CDH4: variants seen among roughly 807,000 people sequenced by gnomAD.
CDH4 encodes cadherin-4.
CDH4 carries 33 observed loss-of-function variants against 86.0 expected under a neutral mutation model. The observed-to-expected ratio is 0.38, with a 90% CI of 0.29 to 0.51. The LOEUF is 0.51. CDH4 is among the 20% of genes least tolerant of loss of function. CDH4 has a pLI of 0.86. For missense variants in CDH4, 1,114 were observed against 1,307.4 expected (o/e 0.85, Z 2.28); for synonymous variants, 555 against 549.4 (o/e 1.01, Z -0.14).
intron 2 of CDH4, among the ~76,000 whole-genome samples, chr20:61,564,441 G>C (rs75400638): frequency 3.9e-5 from 6 of 152,046 alleles, no homozygotes; most frequent in Non-Finnish European, 7.4e-5. Context: ...CCTTCCCCTC[G>C]GTGCTGAGTG....
chr20:61,928,737 T>C (rs2055073608), intron 12 of CDH4, among the ~76,000 whole-genome samples: 1 of 152,246 alleles, frequency 6.6e-6, no homozygotes, highest in South Asian at 2.1e-4. Flanking sequence ...CCCTGACTGA[T>C]ATGTTTCCTT....
At chr20:61,378,910 T>C (rs6062228) in intron 2 of CDH4, among the ~76,000 whole-genome samples, 37,713 of 152,112 alleles carry the variant, frequency 0.25, 5,048 homozygotes, top group African/African-American at 0.34. Flanking sequence ...ACCAAGACAT[T>C]GACATTAGTC....
chr20:61,636,077 G>A (rs993294327), intron 2 of CDH4, among the ~76,000 whole-genome samples: 6 of 152,210 alleles, frequency 3.9e-5, no homozygotes, highest in South Asian at 2.1e-4. Flanking sequence ...CTCCACACGC[G>A]TGGGGGTCCA....
intron 4 of CDH4, among the ~76,000 whole-genome samples, chr20:61,833,973 C>G (rs1600697412): frequency 6.6e-6 from 1 of 152,338 alleles, no homozygotes; most frequent in East Asian, 1.9e-4. Flanking sequence ...TCTGGCAGGT[C>G]TCCTTCCTAT....
intron 2 of CDH4, among the ~76,000 whole-genome samples, chr20:61,482,687 A>G (rs1014271080): frequency 6.6e-6 from 1 of 152,178 alleles, no homozygotes; most frequent in Non-Finnish European, 1.5e-5. Context: ...CTCCTGGAAC[A>G]GTCATGTGAC....
intron 5 of CDH4, 74 bp from the exon 6 acceptor site, chr20:61,852,680 G>A (rs544605864): frequency 4.2e-5 from 63 of 1,510,472 alleles, no homozygotes; most frequent in Middle Eastern, 3.7e-4. Flanking sequence ...CCCCAGCACC[G>A]CGGGTCCCAG....
At chr20:61,662,603 G>A (rs1360637229) in intron 2 of CDH4, among the ~76,000 whole-genome samples, 3 of 152,182 alleles carry the variant, frequency 2.0e-5, no homozygotes, top group African/African-American at 7.2e-5. Context: ...TGGAGGACTG[G>A]GGCGTGAGGA....
At position 61,743,771 on chromosome 20, in the gene CDH4, C is replaced by T. The variant is rs746478957; in HGVS notation, c.378C>T (p.Ser126=). ...GGTTGCTGGTGGCCCAGACCTCGTC[C>T]CCGCACTCTGGACACAAGGTAAGGT... ...VVRLLVAQTS[S]PHSGHKPQKG... Residue 126 remains serine (S), a synonymous_variant, in exon 3 of 16, where the codon TCC becomes TCT. Coordinates refer to ENST00000614565, the MANE Select transcript of CDH4 (RefSeq NM_001794.5). 6.2e-7 allele frequency: 1 copy of T among 1,603,154 alleles called. No individual in the cohort carries two copies. Among genetic ancestry groups the T allele is most frequent in the Non-Finnish European group, 8.5e-7 (1 of 1,175,294 alleles).
intron 2 of CDH4, among the ~76,000 whole-genome samples, chr20:61,321,548 C>T (rs1035422436): frequency 2.0e-5 from 3 of 152,160 alleles, no homozygotes; most frequent in South Asian, 2.1e-4. Context: ...GAAGACACCA[C>T]GTGGCCTCAT....
At chr20:61,635,185 C>T (rs2086934088) in intron 2 of CDH4, among the ~76,000 whole-genome samples, 1 of 152,078 alleles carries the variant, frequency 6.6e-6, no homozygotes, top group Non-Finnish European at 1.5e-5. Context: ...CCGGCAGTAA[C>T]TCTAGGTTTA....
intron 6 of CDH4, among the ~76,000 whole-genome samples, chr20:61,861,895 C>G (rs1388721613): frequency 6.6e-6 from 1 of 152,136 alleles, no homozygotes; most frequent in Admixed American, 6.5e-5. Flanking sequence ...CGCAGGAACC[C>G]CACCCTCCAG....
chr20:61,873,668 T>C (rs1983896908), intron 6 of CDH4, 60 bp from the exon 7 acceptor site: 1 of 1,558,750 alleles, frequency 6.4e-7, no homozygotes, highest in African/African-American at 1.3e-5. Flanking sequence ...CCCAGGTGTG[T>C]GCGGGGGTGG....
At chr20:61,841,323 C>G (rs2386936) in intron 4 of CDH4, among the ~76,000 whole-genome samples, 72,802 of 152,104 alleles carry the variant, frequency 0.48, 18,595 homozygotes, top group Non-Finnish European at 0.58. Flanking sequence ...TGCTCTCCTG[C>G]GAATGTGATC....
intron 3 of CDH4, among the ~76,000 whole-genome samples, chr20:61,765,462 G>A (rs1215362671): frequency 6.6e-6 from 1 of 152,190 alleles, no homozygotes; most frequent in Non-Finnish European, 1.5e-5. Flanking sequence ...AAAGGTAGCT[G>A]AAGCCACGAA....
chr20:61,489,697 A>G (rs1391281934), intron 2 of CDH4, among the ~76,000 whole-genome samples: 2 of 152,264 alleles, frequency 1.3e-5, no homozygotes, highest in Non-Finnish European at 2.9e-5. Context: ...AAGCAATTTC[A>G]TCTTCTCAGC....
At chr20:61,671,554 A>C (rs949166568) in intron 2 of CDH4, among the ~76,000 whole-genome samples, 1 of 151,602 alleles carries the variant, frequency 6.6e-6, no homozygotes, top group Admixed American at 6.6e-5. Flanking sequence ...GATGATGAAT[A>C]ATAGACGGAT....
intron 2 of CDH4, among the ~76,000 whole-genome samples, chr20:61,727,387 C>T (rs2088128607): frequency 6.7e-6 from 1 of 150,344 alleles, no homozygotes; most frequent in African/African-American, 2.4e-5. Context: ...CACTATCTCT[C>T]TTATCACCAT....
At chr20:61,542,970 C>A (rs2086051810) in intron 2 of CDH4, among the ~76,000 whole-genome samples, 1 of 152,220 alleles carries the variant, frequency 6.6e-6, no homozygotes, top group East Asian at 1.9e-4. Context: ...CCTGGCAAAC[C>A]ACTGGTGTAA....
At chr20:61,833,415 G>C (rs935049589) in intron 4 of CDH4, among the ~76,000 whole-genome samples, 2 of 152,020 alleles carry the variant, frequency 1.3e-5, no homozygotes, top group Admixed American at 1.3e-4. Flanking sequence ...AGAGCTCTCC[G>C]GGGGAGACAG....
Sources: gnomAD v4.1 joint callset for allele counts (sites outside exome capture counted in the v4.1 genomes callset) on GRCh38, gnomAD v4.1.1 for gene constraint, MANE v1.5 for transcripts, NCBI Gene and HGNC (gene_info 2026-07-23, HGNC 2026-07-21) for gene names.